Variants in FGF12 observed in about 807,000 individuals in gnomAD.
FGF12 encodes the protein fibroblast growth factor 12, also known as fibroblast growth factor 12B.
FGF12 carries 14 observed loss-of-function variants against 23.6 expected under a neutral mutation model. The ratio of observed to expected loss-of-function variants is 0.59; its 90% CI spans 0.39 to 0.93. The LOEUF (loss-of-function observed/expected upper bound fraction) is 0.93, where lower values mean the gene tolerates loss of function less well. FGF12 is among the 40% of genes least tolerant of loss of function. The pLI is 0.00. For synonymous variants in FGF12, 62 were observed against 77.3 expected (o/e 0.80, Z 1.04); for missense variants, 175 against 217.8 (o/e 0.80, Z 1.24).
At position 192,143,977 on chromosome 3, in the gene FGF12, G is replaced by T; in HGVS notation, c.*32C>A. On this transcript the variant is annotated 3_prime_UTR_variant, in exon 6 of 6. Transcript: ENST00000445105. ...AATGGGAAGGAAGGGAAGGGGAAGG[G>T]ATGAGAGAGGGAAGAAGGGGAGAGT... 3 of 1,272,016 alleles carry T rather than the reference G, an allele frequency of 2.4e-6. No homozygotes were observed. The highest frequency in any genetic ancestry group is 3.5e-6 in the Non-Finnish European group (3 of 868,318). 78.8% of individuals were successfully genotyped at this position (1,272,016 alleles called of 1,614,324 possible). A position where few individuals can be genotyped will look rare whatever the true frequency, so the allele number is the denominator to read the frequency against.
intron 4 of FGF12, among the ~76,000 whole-genome samples, chr3:192,241,545 C>A (rs1305375886): frequency 2.6e-5 from 4 of 151,978 alleles, no homozygotes; most frequent in African/African-American, 9.7e-5. Flanking sequence ...TTTGAAGAAA[C>A]AGGGGATTTA....
At chr3:192,635,039 T>C (rs1715528208) in intron 2 of FGF12, among the ~76,000 whole-genome samples, 1 of 152,180 alleles carries the variant, frequency 6.6e-6, no homozygotes, top group Non-Finnish European at 1.5e-5. Context: ...TTTGTATTTT[T>C]ACTGGAGACG....
At chr3:192,329,020 G>T (rs1237898778) in intron 4 of FGF12, among the ~76,000 whole-genome samples, 1 of 152,148 alleles carries the variant, frequency 6.6e-6, no homozygotes, top group Non-Finnish European at 1.5e-5. Context: ...TATGAAATTT[G>T]TTCCGTCTAT....
rs1237238258 is a variant in FGF12, at chr3:192,378,043, T to TC, written c.14-17506_14-17505insG. On this transcript the variant is annotated intron_variant, in intron 2 of 5. Transcript: ENST00000445105. ...ACTCTTTCTTTTCTTTCTTTCTTTC[T>TC]TTCTTTCTTTCTTTCTTTCTTTCTT... Among the ~76,000 whole-genome samples, 290 of 83,684 alleles carry TC rather than the reference T, an allele frequency of 3.5e-3. 47 individuals are homozygous for TC. Among genetic ancestry groups the TC allele is most frequent in the African/African-American group, 0.019 (282 of 15,000 alleles). 54.9% of individuals were successfully genotyped at this position (83,684 alleles called of 152,430 possible).
At chr3:192,590,027 A>AT (rs1207132999) in intron 2 of FGF12, among the ~76,000 whole-genome samples, 7 of 151,526 alleles carry the variant, frequency 4.6e-5, no homozygotes, top group Admixed American at 2.6e-4. Context: ...ATCTTGGGAG[A>AT]TTTTTTTTAA....
chr3:192,517,415 C>T (rs1394688334), intron 2 of FGF12, among the ~76,000 whole-genome samples: 1 of 152,140 alleles, frequency 6.6e-6, no homozygotes, highest in East Asian at 1.9e-4. Flanking sequence ...TACTCCACAA[C>T]AGGATTGTAA....
At chr3:192,346,759 G>GA (rs1717983629) in intron 3 of FGF12, among the ~76,000 whole-genome samples, 1 of 152,152 alleles carries the variant, frequency 6.6e-6, no homozygotes, top group African/African-American at 2.4e-5. Flanking sequence ...AGGCAACAAT[G>GA]AATGTTGTGA....
chr3:192,175,687 C>T (rs1159737935), intron 4 of FGF12, among the ~76,000 whole-genome samples: 1 of 152,126 alleles, frequency 6.6e-6, no homozygotes, highest in African/African-American at 2.4e-5. Context: ...CCTAGCCTTG[C>T]CTCAAAAGTT....
Position 192,514,586 on chromosome 3 carries a change from G to A in FGF12, c.14-154048C>T. ...ACAGGCAGCGCTGAATGAAGCAGAG[G>A]AGGGCGGCGGAGAGGGCCCCGGAAG... On this transcript the variant is annotated intron_variant, in intron 2 of 5. Transcript: ENST00000445105. The surrounding 1 kb of genome is among the most constrained non-coding windows in gnomAD (Gnocchi z 4.9). 3.3e-6 allele frequency: 2 copies of A among 604,048 alleles called. No individual in the cohort carries two copies. Among genetic ancestry groups the A allele is most frequent in the Non-Finnish European group, 4.2e-6 (2 of 481,372 alleles). The allele number at this position is 604,048 out of a possible 1,614,324, so 37.4% of individuals were successfully genotyped here.
chr3:192,347,155 C>T (rs1184689069), intron 3 of FGF12, among the ~76,000 whole-genome samples: 1 of 152,088 alleles, frequency 6.6e-6, no homozygotes, highest in Non-Finnish European at 1.5e-5. Context: ...CCAGATTATT[C>T]CAGTATGCTT....
At chr3:192,723,117 T>G (rs572448450) in intron 2 of FGF12, among the ~76,000 whole-genome samples, 3 of 152,218 alleles carry the variant, frequency 2.0e-5, no homozygotes, top group Non-Finnish European at 4.4e-5. Context: ...CACATTACCA[T>G]GAGTTAACAG....
rs1716138134 is a variant in FGF12, at chr3:192,180,954, C to T, written c.229-10298G>A. Among the ~76,000 whole-genome samples, 3 of 152,232 alleles carry T rather than the reference C, an allele frequency of 2.0e-5. No individual in the cohort carries two copies. The South Asian group carries it at 6.2e-4, about 32-fold the overall frequency. ...TTTTGTGAAGCTGAAGAGGCAGAAA[C>T]TGTAGTTCGAGATTGCTAAGGTGAC... On this transcript the variant is annotated intron_variant, in intron 4 of 5. Transcript: ENST00000445105.
intron 2 of FGF12, among the ~76,000 whole-genome samples, chr3:192,676,105 T>C (rs1717318892): frequency 6.6e-6 from 1 of 152,162 alleles, no homozygotes; most frequent in Non-Finnish European, 1.5e-5. Flanking sequence ...CAGAAGACCA[T>C]ATGAGTATTC....
chr3:192,561,905 A>C (rs1712053924), intron 2 of FGF12, among the ~76,000 whole-genome samples: 1 of 135,688 alleles, frequency 7.4e-6, no homozygotes, highest in Non-Finnish European at 1.7e-5. Flanking sequence ...TAATAATAAT[A>C]ATAAAGAAAA....
chr3:192,489,230 A>C (rs1287622033), intron 2 of FGF12, among the ~76,000 whole-genome samples: 1 of 152,090 alleles, frequency 6.6e-6, no homozygotes, highest in Non-Finnish European at 1.5e-5. Context: ...AAAAGAGCAA[A>C]AATACTACAC....
chr3:192,494,266 T>A (rs911175091), intron 2 of FGF12, among the ~76,000 whole-genome samples: 2 of 152,182 alleles, frequency 1.3e-5, no homozygotes, highest in Non-Finnish European at 2.9e-5. Context: ...CTGCTTCATA[T>A]CAGATGTTTA....
At chr3:192,418,782 A>G (rs1275562350) in intron 2 of FGF12, among the ~76,000 whole-genome samples, 1 of 152,122 alleles carries the variant, frequency 6.6e-6, no homozygotes, top group African/African-American at 2.4e-5. Context: ...TTTGCCTTAC[A>G]CCATGATCTT....
chr3:192,620,258 GCA>G (rs5855440), intron 2 of FGF12, among the ~76,000 whole-genome samples: 114,034 of 151,282 alleles, frequency 0.75, 43,529 homozygotes, highest in African/African-American at 0.89. Flanking sequence ...GCGCGCGCAC[GCA>G]CACACACACA....
In FGF12 at chr3:192,403,821, A is replaced by G. The variant is rs556963857; in HGVS notation, c.14-43283T>C. Among the ~76,000 whole-genome samples, 3 of 152,208 alleles carry G rather than the reference A, an allele frequency of 2.0e-5. No homozygotes were observed. The South Asian group carries it at 6.2e-4, about 32-fold the overall frequency. On this transcript the variant is annotated intron_variant, in intron 2 of 5. Coordinates refer to ENST00000445105, the MANE Select transcript of FGF12 (RefSeq NM_004113.6). Reference sequence around the variant, plus strand: ...CTTCTTGAAGTTTCTATTTCCTACGATATTTTCTTCCTCTATGCAAAAGGA... The same window carrying G: ...CTTCTTGAAGTTTCTATTTCCTACGGTATTTTCTTCCTCTATGCAAAAGGA...
Sources: allele counts gnomAD v4.1 joint callset (sites outside exome capture counted in the v4.1 genomes callset), GRCh38; gene constraint gnomAD v4.1.1; non-coding constraint Gnocchi (gnomAD v3.1); transcripts MANE v1.5; gene names NCBI Gene and HGNC (gene_info 2026-07-23, HGNC 2026-07-21).